Variants in TYW1 observed in about 807,000 individuals in gnomAD.
The protein encoded by TYW1 is S-adenosyl-L-methionine-dependent tRNA 4-demethylwyosine synthase TYW1.
In TYW1, 46 loss-of-function variants were observed where a neutral mutation model predicts 96.2. The observed-to-expected ratio is 0.48, with a 90% confidence interval of 0.38 to 0.61. TYW1 has a LOEUF of 0.61. TYW1 is among the 20% of genes least tolerant of loss of function. The pLI is 0.00. For missense variants in TYW1, 684 were observed against 909.6 expected, an observed-to-expected ratio of 0.75 and a Z score of 3.19; for synonymous variants, 274 against 323.0, an observed-to-expected ratio of 0.85 and a Z score of 1.63.
intron 13 of TYW1, among the ~76,000 whole-genome samples, chr7:67,143,297 G>T (rs1305086443): frequency 6.6e-6 from 1 of 152,188 alleles, no homozygotes; most frequent in East Asian, 1.9e-4. Context: ...GACTTGGTGA[G>T]AAGTGCTGGG....
Position 66,996,987 on chromosome 7 carries a change from G to A in TYW1, c.4+5G>A. The stretch of plus-strand genomic sequence containing the variant: ...TGTCGGCTCTGAGGAGGATGGGTAA[G>A]GGCACTCGGCGGGCAAGGACCCTGG... On this transcript the variant is annotated splice_donor_5th_base_variant and intron_variant, in intron 1 of 15. Transcript: ENST00000359626. 1 of 1,614,158 alleles carries A rather than the reference G, an allele frequency of 6.2e-7. No individual in the cohort carries two copies. The highest frequency in any genetic ancestry group is 1.3e-5 in the African/African-American group (1 of 75,064).
intron 7 of TYW1, among the ~76,000 whole-genome samples, chr7:67,032,421 C>A (rs1195853342): frequency 3.9e-5 from 6 of 152,050 alleles, no homozygotes; most frequent in Non-Finnish European, 8.8e-5. Flanking sequence ...GAGTTTGAGA[C>A]CAGCCTGGGC....
At chr7:67,159,309 C>G (rs1799083085) in intron 13 of TYW1, among the ~76,000 whole-genome samples, 2 of 152,132 alleles carry the variant, frequency 1.3e-5, no homozygotes, top group Non-Finnish European at 2.9e-5. Context: ...TTCTGGAAGG[C>G]AAATTCCAGG....
chr7:67,207,973 G>A (rs984760720), intron 15 of TYW1, among the ~76,000 whole-genome samples: 4 of 152,134 alleles, frequency 2.6e-5, no homozygotes, highest in East Asian at 1.9e-4. Flanking sequence ...CACCTGCCTC[G>A]GCCTCACAAA....
At chr7:67,197,283 C>A (rs942058633) in intron 15 of TYW1, among the ~76,000 whole-genome samples, 1 of 151,438 alleles carries the variant, frequency 6.6e-6, no homozygotes, top group Non-Finnish European at 1.5e-5. Flanking sequence ...ATTTTTAAAT[C>A]CTCACAGCAT....
At chr7:67,092,357 C>T (rs550709794) in intron 11 of TYW1, among the ~76,000 whole-genome samples, 8 of 152,120 alleles carry the variant, frequency 5.3e-5, no homozygotes, top group Admixed American at 5.2e-4. Context: ...CAACGGAGAA[C>T]CCGATGTGAT....
chr7:67,182,082 G>A (rs778179254), intron 13 of TYW1, among the ~76,000 whole-genome samples: 1 of 152,114 alleles, frequency 6.6e-6, no homozygotes, highest in Non-Finnish European at 1.5e-5. Flanking sequence ...CCGCACCTCG[G>A]CCTCCCAAAG....
chr7:67,192,184 C>T (rs1800240601), intron 14 of TYW1, among the ~76,000 whole-genome samples: 1 of 152,064 alleles, frequency 6.6e-6, no homozygotes, highest in Admixed American at 6.5e-5. Context: ...GCATGAGCCA[C>T]CGTGCCTAGC....
intron 15 of TYW1, among the ~76,000 whole-genome samples, chr7:67,234,360 A>G (rs1404448522): frequency 6.6e-6 from 1 of 150,794 alleles, no homozygotes; most frequent in African/African-American, 2.4e-5. Context: ...AAAAAAAAAA[A>G]AAAAAAGGAA....
intron 13 of TYW1, among the ~76,000 whole-genome samples, chr7:67,128,313 A>G (rs1043303217): frequency 8.5e-5 from 13 of 152,182 alleles, no homozygotes; most frequent in Admixed American, 7.9e-4. Context: ...TTCATCAGCC[A>G]TATCCAGTCT....
chr7:67,112,195 C>T (rs1414529854), intron 12 of TYW1, among the ~76,000 whole-genome samples: 2 of 151,376 alleles, frequency 1.3e-5, no homozygotes, highest in Admixed American at 1.3e-4. Flanking sequence ...ACCCCTTGTG[C>T]CCAAAAGTGT....
At chr7:67,095,265 C>T (rs192549898) in intron 11 of TYW1, among the ~76,000 whole-genome samples, 3 of 152,176 alleles carry the variant, frequency 2.0e-5, no homozygotes, top group Admixed American at 2.0e-4. Flanking sequence ...TCACTAAGTG[C>T]TGGGATTACA....
intron 10 of TYW1, among the ~76,000 whole-genome samples, chr7:67,078,282 A>G (rs916611149): frequency 6.6e-5 from 10 of 151,614 alleles, no homozygotes; most frequent in African/African-American, 2.4e-4. Context: ...TTTTTAGTAG[A>G]GATGGGGTTT....
chr7:67,221,991 A>G (rs1801406310), intron 15 of TYW1, among the ~76,000 whole-genome samples: 1 of 151,956 alleles, frequency 6.6e-6, no homozygotes, highest in African/African-American at 2.4e-5. Flanking sequence ...TGAGGTCAGG[A>G]GTTCAAGACC....
At position 67,098,709 on chromosome 7, in the gene TYW1, C is replaced by A; in HGVS notation, c.1553C>A (p.Ala518Glu). The A allele has an allele frequency of 6.2e-7, 1 of 1,613,370 alleles. No homozygotes were observed. The highest frequency in any genetic ancestry group is 8.5e-7 in the Non-Finnish European group (1 of 1,179,622). ...CTGGTCACAAACGCACAATTTCCTG[C>A]GGAAATCAGGTGAGTTCTCCAGCCT... ...SFLVTNAQFP[A>E]EIRNLEPVTQ... Residue 518 changes from alanine to glutamate, a missense_variant, in exon 12 of 16, where the codon GCG (alanine) becomes GAG (glutamate). Ala to Glu is a moderately radical substitution (Grantham distance 107). Transcript: ENST00000359626.
At chr7:67,154,778 C>G (rs564890169) in intron 13 of TYW1, among the ~76,000 whole-genome samples, 175 of 151,984 alleles carry the variant, frequency 1.2e-3, no homozygotes, top group African/African-American at 4.0e-3. Context: ...GTTTTTTATG[C>G]CTTTGTCCAT....
intron 4 of TYW1, among the ~76,000 whole-genome samples, chr7:67,010,545 A>G (rs541291155): frequency 2.4e-4 from 35 of 148,678 alleles, no homozygotes; most frequent in Non-Finnish European, 4.2e-4. Flanking sequence ...GCGCGATCTC[A>G]GCTCACTGCA....
chr7:67,149,362 G>T (rs1370206979), intron 13 of TYW1, among the ~76,000 whole-genome samples: 2 of 152,100 alleles, frequency 1.3e-5, no homozygotes, highest in African/African-American at 2.4e-5. Flanking sequence ...AACTATATGG[G>T]TTCTATTTGA....
At chr7:67,197,518 G>C (rs1370533101) in intron 15 of TYW1, among the ~76,000 whole-genome samples, 1 of 152,148 alleles carries the variant, frequency 6.6e-6, no homozygotes, top group African/African-American at 2.4e-5. Flanking sequence ...TAGAGACGGG[G>C]TTTCACCGTG....
Sources: allele counts gnomAD v4.1 joint callset (sites outside exome capture counted in the v4.1 genomes callset), GRCh38; gene constraint gnomAD v4.1.1; transcripts MANE v1.5; gene names NCBI Gene and HGNC (gene_info 2026-07-23, HGNC 2026-07-21).